Variants in CSE1L observed in about 807,000 individuals in gnomAD.
The protein encoded by CSE1L is chromosome segregation 1 like.
A neutral mutation model predicts 120.4 loss-of-function variants in CSE1L; 24 were observed. The observed-to-expected ratio is 0.20, with a 90% CI of 0.14 to 0.28. The LOEUF is 0.28. CSE1L is among the 10% of genes least tolerant of loss of function. The pLI is 1.00. For synonymous variants in CSE1L, 402 were observed against 398.3 expected, an observed-to-expected ratio of 1.01 and a Z score of -0.11; for missense variants, 830 against 1,145.2, an observed-to-expected ratio of 0.72 and a Z score of 3.97.
intron 1 of CSE1L, among the ~76,000 whole-genome samples, chr20:49,051,699 A>T (rs566094696): frequency 1.9e-4 from 29 of 152,322 alleles, no homozygotes; most frequent in African/African-American, 7.0e-4. Flanking sequence ...ATACAGGATA[A>T]ATTTTATCTT....
chr20:49,075,750 G>A (rs1486788394), intron 12 of CSE1L, among the ~76,000 whole-genome samples: 3 of 152,150 alleles, frequency 2.0e-5, no homozygotes, highest in Non-Finnish European at 2.9e-5. Context: ...GCTGAGACCC[G>A]CTGTATCAAA....
intron 2 of CSE1L, among the ~76,000 whole-genome samples, chr20:49,062,132 C>T (rs559246552): frequency 6.6e-6 from 1 of 152,154 alleles, no homozygotes; most frequent in East Asian, 1.9e-4. Flanking sequence ...AGTGTGTTGC[C>T]CTGTACAAAA....
intron 8 of CSE1L, among the ~76,000 whole-genome samples, chr20:49,071,359 C>T (rs751979377): frequency 2.0e-5 from 3 of 152,174 alleles, no homozygotes; most frequent in African/African-American, 7.2e-5. Flanking sequence ...ACAAAAGTCA[C>T]AAGGAAATTT....
At chr20:49,075,871 C>G (rs2091964806) in intron 12 of CSE1L, among the ~76,000 whole-genome samples, 1 of 152,132 alleles carries the variant, frequency 6.6e-6, no homozygotes, top group Non-Finnish European at 1.5e-5. Flanking sequence ...CTCACTTTGT[C>G]ACCAGGCTGG....
At chr20:49,049,639 A>C (rs180812904) in intron 1 of CSE1L, among the ~76,000 whole-genome samples, 1 of 152,358 alleles carries the variant, frequency 6.6e-6, no homozygotes, top group East Asian at 1.9e-4. Flanking sequence ...TACCTGTAAA[A>C]TGTTCTCTAA....
chr20:49,081,703 G>A (rs898954777), intron 14 of CSE1L, among the ~76,000 whole-genome samples: 3 of 152,012 alleles, frequency 2.0e-5, no homozygotes, highest in Admixed American at 6.6e-5. Context: ...TTTAGAGAAC[G>A]TGTAGTTTTT....
intron 13 of CSE1L, among the ~76,000 whole-genome samples, chr20:49,078,210 T>A (rs1315580165): frequency 1.3e-5 from 2 of 152,190 alleles, no homozygotes; most frequent in Non-Finnish European, 2.9e-5. Context: ...TTAATTTATT[T>A]CCCTACCCAC....
At chr20:49,066,910 T>C (rs1368023327) in intron 5 of CSE1L, among the ~76,000 whole-genome samples, 2 of 151,572 alleles carry the variant, frequency 1.3e-5, no homozygotes, top group Non-Finnish European at 2.9e-5. Context: ...TATGTGCCTG[T>C]CATCCCAGCT....
chr20:49,066,536 T>A (rs1487687508), intron 5 of CSE1L, 26 bp downstream of exon 5: 1 of 1,572,782 alleles, frequency 6.4e-7, no homozygotes, highest in South Asian at 1.2e-5. Context: ...TTCATGTTTT[T>A]AAAATACTTT....
intron 6 of CSE1L, 62 bp downstream of exon 6, chr20:49,067,342 T>C: frequency 1.8e-6 from 2 of 1,114,790 alleles, no homozygotes; most frequent in Non-Finnish European, 2.7e-6. Flanking sequence ...AATGTTTGTA[T>C]ACATGTTAAG....
chr20:49,064,448 G>A (rs545434696), intron 3 of CSE1L, among the ~76,000 whole-genome samples: 35 of 152,326 alleles, frequency 2.3e-4, no homozygotes, highest in East Asian at 9.6e-4. Context: ...GGTGGCCCAT[G>A]CCTGTAATTT....
chr20:49,074,176 A>AGTGTGTGTGTGT lies in CSE1L; in HGVS notation c.1067-578_1067-567dup, dbSNP rs71184254. The stretch of plus-strand genomic sequence containing the variant: ...CAGTGAGACATGATCATACAACTGC[A>AGTGTGTGTGTGT]GTGTGTGTGTGTGTGTGTGTGTGTG... On this transcript the variant is annotated intron_variant, in intron 10 of 24. Coordinates refer to ENST00000262982, the MANE Select transcript of CSE1L (RefSeq NM_001316.4). Among the ~76,000 whole-genome samples the AGTGTGTGTGTGT allele has an allele frequency of 2.2e-3, 258 of 115,450 alleles. 1 individual carries two copies. Among genetic ancestry groups the AGTGTGTGTGTGT allele is most frequent in the Middle Eastern group, 4.8e-3 (1 of 208 alleles). 75.7% of individuals were successfully genotyped at this position (115,450 alleles called of 152,430 possible).
At chr20:49,091,862 CAA>C (rs934744282) in intron 21 of CSE1L, among the ~76,000 whole-genome samples, 182 bp from the exon 22 acceptor site, 54 of 152,216 alleles carry the variant, frequency 3.5e-4, no homozygotes, top group African/African-American at 1.3e-3. Context: ...AAATATAAAT[CAA>C]AGAGAGACAG....
At chr20:49,083,328 C>A (rs2092029027) in intron 14 of CSE1L, among the ~76,000 whole-genome samples, 1 of 152,300 alleles carries the variant, frequency 6.6e-6, no homozygotes, top group Middle Eastern at 3.4e-3. Context: ...GGCCTAACAT[C>A]ATTTTTGAGT....
At chr20:49,083,038 T>A (rs1286868284) in intron 14 of CSE1L, among the ~76,000 whole-genome samples, 1 of 151,940 alleles carries the variant, frequency 6.6e-6, no homozygotes, top group East Asian at 1.9e-4. Flanking sequence ...TTCTTTTTTT[T>A]TTCTGAGATG....
At chr20:49,067,312 T>C in intron 6 of CSE1L, 32 bp downstream of exon 6, 1 of 1,352,864 alleles carries the variant, frequency 7.4e-7, no homozygotes, top group South Asian at 1.2e-5. Flanking sequence ...TATTTTTAAA[T>C]TAATATTTTA....
At chr20:49,083,373 C>T (rs1395669929) in intron 14 of CSE1L, among the ~76,000 whole-genome samples, 1 of 152,194 alleles carries the variant, frequency 6.6e-6, no homozygotes, top group Admixed American at 6.5e-5. Context: ...CCAGCTACCT[C>T]AGCCTCTCAA....
chr20:49,071,058 T>C (rs1332320390), intron 8 of CSE1L, among the ~76,000 whole-genome samples: 3 of 152,266 alleles, frequency 2.0e-5, no homozygotes, highest in African/African-American at 7.2e-5. Context: ...ATAACACTTA[T>C]TCTGTGCTAC....
rs577847172 is a variant in CSE1L, at chr20:49,092,060, A to T, written c.2380A>T (p.Ile794Phe). 6.4e-7 allele frequency: 1 copy of T among 1,564,962 alleles called. No homozygotes were observed. Among genetic ancestry groups the T allele is most frequent in the Non-Finnish European group, 8.8e-7 (1 of 1,140,710 alleles). The change falls in exon 22 of 25, where the codon ATT becomes TTT. Residue 794 changes from isoleucine to phenylalanine, a missense_variant. Physicochemically the swap from Ile to Phe is conservative, Grantham distance 21. Around this residue, in one of 4 missense-constraint regions of CSE1L, gnomAD observed 7 missense variants for 37.2 expected, o/e 0.19. Coordinates refer to ENST00000262982, the MANE Select transcript of CSE1L (RefSeq NM_001316.4). The stretch of plus-strand genomic sequence containing the variant: ...TCTTTCAACAGGTTTTTTAGTCTTT[A>T]TTAATTTGTATTGCATAAAATATGG... ...TKFIKSFLVF[I>F]NLYCIKYGAL...
Sources: allele counts gnomAD v4.1 joint callset (sites outside exome capture counted in the v4.1 genomes callset), GRCh38; gene constraint gnomAD v4.1.1; regional missense constraint gnomAD v4.1.1; transcripts MANE v1.5; gene names NCBI Gene and HGNC (gene_info 2026-07-23, HGNC 2026-07-21).